The following RAB38 variants were observed in gnomAD, a reference collection of about 807,000 sequenced individuals.
RAB38 encodes RAB38, member RAS oncogene family.
A neutral mutation model predicts 18.4 loss-of-function variants in RAB38; 15 were observed. The observed-to-expected ratio is 0.82, with a 90% CI of 0.55 to 1.26. RAB38 has a LOEUF of 1.26. Ranked by LOEUF, RAB38 falls within the 50% of genes most tolerant of loss-of-function variation. The pLI is 0.00. For missense variants in RAB38, 294 were observed against 267.4 expected, an observed-to-expected ratio of 1.10 and a Z score of -0.69; for synonymous variants, 101 against 104.4, an observed-to-expected ratio of 0.97 and a Z score of 0.20.
At chr11:88,108,731 A>G (rs1312291353), downstream of RAB38, among the ~76,000 whole-genome samples, 1 of 152,158 alleles carries the variant, frequency 6.6e-6, no homozygotes, top group African/African-American at 2.4e-5. Flanking sequence ...CAGTTTCTTC[A>G]TAGTGTCGAT....
chr11:87,887,981 A>C, the RAB38 span, among the ~76,000 whole-genome samples: 1 of 151,910 alleles, frequency 6.6e-6, no homozygotes, highest in African/African-American at 2.4e-5. Flanking sequence ...TTAGTGATGC[A>C]GCATTTCTGA....
chr11:88,061,615 T>G, the RAB38 span: 1 of 149,522 alleles, frequency 6.7e-6, no homozygotes, highest in Non-Finnish European at 1.5e-5. Flanking sequence ...TGGAAAGAAA[T>G]TTTTTTTAAT....
the RAB38 span, among the ~76,000 whole-genome samples, chr11:88,018,240 C>T: frequency 6.6e-6 from 1 of 152,130 alleles, no homozygotes; most frequent in Non-Finnish European, 1.5e-5. Flanking sequence ...TACCCGTATA[C>T]ACTTACTGCT....
chr11:87,860,039 A>T, the RAB38 span, among the ~76,000 whole-genome samples: 1 of 151,922 alleles, frequency 6.6e-6, no homozygotes, highest in Non-Finnish European at 1.5e-5. Flanking sequence ...CTCCTCCCTA[A>T]CTGGGTAGGA....
At chr11:88,170,206 G>A (rs928499311) in intron 1 of RAB38, among the ~76,000 whole-genome samples, 20 of 152,084 alleles carry the variant, frequency 1.3e-4, no homozygotes, top group African/African-American at 3.6e-4. Context: ...TTATTTACCC[G>A]TAAGAACATA....
the RAB38 span, among the ~76,000 whole-genome samples, chr11:88,069,950 G>A: frequency 2.6e-5 from 4 of 152,198 alleles, no homozygotes; most frequent in Non-Finnish European, 5.9e-5. Flanking sequence ...CTGTCAAAAC[G>A]GACCAATCAG....
At chr11:88,028,275 G>A in the RAB38 span, among the ~76,000 whole-genome samples, 1 of 152,182 alleles carries the variant, frequency 6.6e-6, no homozygotes, top group Middle Eastern at 3.4e-3. Flanking sequence ...CACAAAGATG[G>A]GGAAAAAACA....
chr11:88,017,272 T>C, the RAB38 span, among the ~76,000 whole-genome samples: 1 of 152,096 alleles, frequency 6.6e-6, no homozygotes, highest in Non-Finnish European at 1.5e-5. Flanking sequence ...CCTATGTGCA[T>C]AAATGTACTT....
chr11:88,025,332 C>T, the RAB38 span, among the ~76,000 whole-genome samples: 3 of 151,902 alleles, frequency 2.0e-5, no homozygotes, highest in Non-Finnish European at 2.9e-5. Context: ...AATAGTACAG[C>T]GATGAACACA....
chr11:87,865,700 AAAG>A, the RAB38 span, among the ~76,000 whole-genome samples: 1 of 151,720 alleles, frequency 6.6e-6, no homozygotes, highest in Non-Finnish European at 1.5e-5. Context: ...GTAGAGAAGA[AAAG>A]AAGGAAAAGA....
chr11:87,832,326 C>T, the RAB38 span, among the ~76,000 whole-genome samples: 1 of 152,138 alleles, frequency 6.6e-6, no homozygotes, highest in Admixed American at 6.6e-5. Context: ...ATCAATCAGT[C>T]ACTTAAAAAA....
chr11:87,885,809 A>C, the RAB38 span, among the ~76,000 whole-genome samples: 81,979 of 151,842 alleles, frequency 0.54, 24,123 homozygotes, highest in Non-Finnish European at 0.67. Flanking sequence ...TTTTTTAAAA[A>C]ATGAGGTACC....
At chr11:88,026,649 A>AGGC in the RAB38 span, among the ~76,000 whole-genome samples, 1 of 151,104 alleles carries the variant, frequency 6.6e-6, no homozygotes, top group African/African-American at 2.4e-5. Context: ...AAGTGCTGGG[A>AGGC]TTACAGACAT....
the RAB38 span, among the ~76,000 whole-genome samples, chr11:88,022,628 A>AAAAAAAAAC: frequency 1.3e-5 from 2 of 150,552 alleles, no homozygotes; most frequent in Admixed American, 6.6e-5. Flanking sequence ...AAAAAAAAAA[A>AAAAAAAAAC]AAAACAACTA....
the RAB38 span, among the ~76,000 whole-genome samples, chr11:88,053,759 A>T: frequency 6.6e-6 from 1 of 151,778 alleles, no homozygotes; most frequent in Non-Finnish European, 1.5e-5. Context: ...TTAGTTCTTA[A>T]CCAGGTGCAC....
the RAB38 span, among the ~76,000 whole-genome samples, chr11:87,836,073 C>G: frequency 1.3e-5 from 2 of 152,092 alleles, no homozygotes; most frequent in Non-Finnish European, 2.9e-5. Context: ...GGGAAGCTTT[C>G]TAGAATAATG....
At chr11:87,893,285 T>TG in the RAB38 span, among the ~76,000 whole-genome samples, 27 of 20,330 alleles carry the variant, frequency 1.3e-3, no homozygotes, top group East Asian at 0.06. Context: ...TTTTCCAGAT[T>TG]TTGTGTGTGT....
the RAB38 span, among the ~76,000 whole-genome samples, chr11:88,080,021 A>T: frequency 6.6e-6 from 1 of 151,758 alleles, no homozygotes; most frequent in Non-Finnish European, 1.5e-5. Flanking sequence ...TCTAATTAAC[A>T]TTTTACATGA....
chr11:87,855,047 G>A, the RAB38 span, among the ~76,000 whole-genome samples: 215 of 152,056 alleles, frequency 1.4e-3, 1 homozygote, highest in Admixed American at 3.0e-3. Context: ...CACGTGCCTC[G>A]GCCTCCCAAA....
Sources: gnomAD v4.1 joint callset for allele counts (sites outside exome capture counted in the v4.1 genomes callset) on GRCh38, gnomAD v4.1.1 for gene constraint, MANE v1.5 for transcripts, NCBI Gene and HGNC (gene_info 2026-07-23, HGNC 2026-07-21) for gene names.